Variants in ZNF385D observed in about 807,000 individuals in gnomAD.
ZNF385D encodes the protein zinc finger protein 659.
A neutral mutation model predicts 35.8 loss-of-function variants in ZNF385D; 15 were observed. The observed-to-expected ratio is 0.42, with a 90% CI of 0.28 to 0.64. ZNF385D has a LOEUF of 0.64. Ranked by LOEUF, ZNF385D falls within the 30% of genes least tolerant of loss-of-function variation. ZNF385D has a pLI of 0.23. For synonymous variants in ZNF385D, 212 were observed against 186.8 expected (o/e 1.13, Z -1.10); for missense variants, 474 against 494.6 (o/e 0.96, Z 0.39).
chr3:21,459,487 T>C (rs1430860788), intron 4 of ZNF385D: 1 of 152,084 alleles, frequency 6.6e-6, no homozygotes, highest in Non-Finnish European at 1.5e-5. Context: ...GAATGAAATA[T>C]TATACTACCA....
intron 2 of ZNF385D, among the ~76,000 whole-genome samples, chr3:22,185,224 G>T (rs1344087279): frequency 6.6e-6 from 1 of 152,004 alleles, no homozygotes; most frequent in Non-Finnish European, 1.5e-5. Flanking sequence ...CAATAATAAC[G>T]GGACAGAAAC....
chr3:21,880,357 G>A (rs927525442), intron 3 of ZNF385D, among the ~76,000 whole-genome samples: 9 of 151,932 alleles, frequency 5.9e-5, no homozygotes, highest in Non-Finnish European at 1.0e-4. Context: ...CTCACTTCGT[G>A]TTTCTGTCAC....
At position 22,148,694 on chromosome 3, in the gene ZNF385D, G is replaced by C. The variant is rs187362243; in HGVS notation, c.325+20123C>G. On this transcript the variant is annotated intron_variant, in intron 3 of 5. Coordinates refer to the ZNF385D transcript ENST00000494108. ...AGTAAGATCTACATGGTCGTAATTAGTATGGCTTATCAATTGGATCTGTCC... is the reference window on the plus strand; with the variant it reads ...AGTAAGATCTACATGGTCGTAATTACTATGGCTTATCAATTGGATCTGTCC... 2.2e-4 allele frequency among the ~76,000 whole-genome samples: 33 copies of C among 152,316 alleles called. No homozygotes were observed. In the East Asian group the frequency reaches 4.0e-3, roughly 19 times the overall value.
intron 4 of ZNF385D, among the ~76,000 whole-genome samples, chr3:21,492,485 C>T (rs1705503317): frequency 6.8e-6 from 1 of 147,810 alleles, no homozygotes; most frequent in Admixed American, 6.8e-5. Flanking sequence ...CTTCGTATTA[C>T]TAAAAAAAAA....
intron 3 of ZNF385D, among the ~76,000 whole-genome samples, chr3:21,809,565 C>T (rs1443884173): frequency 2.6e-5 from 4 of 151,148 alleles, no homozygotes; most frequent in South Asian, 4.2e-4. Flanking sequence ...ACCCCTACAA[C>T]AAACCCTATA....
intron 2 of ZNF385D, among the ~76,000 whole-genome samples, chr3:22,358,272 C>A (rs944276394): frequency 6.6e-6 from 1 of 151,860 alleles, no homozygotes; most frequent in South Asian, 2.1e-4. Flanking sequence ...TTCCAAAAGT[C>A]TGGCATCAAT....
intron 2 of ZNF385D, among the ~76,000 whole-genome samples, chr3:21,626,434 A>T (rs1009265712): frequency 1.3e-5 from 2 of 152,158 alleles, no homozygotes; most frequent in East Asian, 3.9e-4. Context: ...TGGCTTACTT[A>T]TGTAGAGGAT....
chr3:21,937,829 A>AT (rs1160264592), intron 3 of ZNF385D, among the ~76,000 whole-genome samples: 1 of 152,204 alleles, frequency 6.6e-6, no homozygotes, highest in African/African-American at 2.4e-5. Context: ...AATGTAGTTA[A>AT]TATAAGACAA....
intron 3 of ZNF385D, among the ~76,000 whole-genome samples, chr3:21,767,263 T>G (rs1389001202): frequency 1.3e-5 from 2 of 152,220 alleles, no homozygotes; most frequent in South Asian, 4.1e-4. Flanking sequence ...TGTGTAATCA[T>G]CCTACAAAAT....
intron 3 of ZNF385D, among the ~76,000 whole-genome samples, chr3:21,977,274 C>A (rs916665149): frequency 7.9e-5 from 12 of 152,066 alleles, no homozygotes; most frequent in Admixed American, 7.9e-4. Flanking sequence ...TTGAACTGTA[C>A]ACTTATGATT....
intron 2 of ZNF385D, among the ~76,000 whole-genome samples, chr3:22,282,427 G>A (rs1302255976): frequency 6.6e-6 from 1 of 152,042 alleles, no homozygotes; most frequent in Admixed American, 6.6e-5. Flanking sequence ...TTGATAGGTT[G>A]TGTCACTATT....
At chr3:21,452,544 C>A (rs913937813) in intron 4 of ZNF385D, among the ~76,000 whole-genome samples, 3 of 151,820 alleles carry the variant, frequency 2.0e-5, no homozygotes, top group Non-Finnish European at 4.4e-5. Flanking sequence ...CCACAAGAAC[C>A]CCCAAAACTA....
chr3:22,036,727 T>A (rs566407078), intron 3 of ZNF385D, among the ~76,000 whole-genome samples: 37 of 149,118 alleles, frequency 2.5e-4, no homozygotes, highest in Middle Eastern at 3.6e-3. Flanking sequence ...TTTTTTTTTT[T>A]ATACTCTAAG....
chr3:22,005,856 G>A (rs893996803), intron 3 of ZNF385D, among the ~76,000 whole-genome samples: 1 of 151,988 alleles, frequency 6.6e-6, no homozygotes, highest in Non-Finnish European at 1.5e-5. Context: ...ATGAGCTTTA[G>A]AGTACTTAAA....
upstream of ZNF385D, among the ~76,000 whole-genome samples, chr3:21,751,632 T>C (rs956338047): frequency 6.6e-6 from 1 of 152,090 alleles, no homozygotes; most frequent in Non-Finnish European, 1.5e-5. Context: ...TGTTATTTTT[T>C]GTGATGTTTA....
intron 3 of ZNF385D, among the ~76,000 whole-genome samples, chr3:22,044,925 G>A (rs1698891604): frequency 6.6e-6 from 1 of 152,090 alleles, no homozygotes; most frequent in Admixed American, 6.6e-5. Context: ...GAAGTATGGT[G>A]CAGAATACGG....
At chr3:21,805,616 A>G (rs2072606454) in intron 3 of ZNF385D, among the ~76,000 whole-genome samples, 1 of 152,182 alleles carries the variant, frequency 6.6e-6, no homozygotes, top group South Asian at 2.1e-4. Context: ...TCATTTGTGA[A>G]ATAAAAAAGC....
At chr3:21,867,376 A>T (rs982861335) in intron 3 of ZNF385D, among the ~76,000 whole-genome samples, 2 of 152,058 alleles carry the variant, frequency 1.3e-5, no homozygotes, top group African/African-American at 4.8e-5. Context: ...CAGAGGTGGG[A>T]CTCAGGCCTC....
intron 4 of ZNF385D, among the ~76,000 whole-genome samples, chr3:21,507,449 A>G (rs1235603682): frequency 6.6e-6 from 1 of 152,174 alleles, no homozygotes; most frequent in Non-Finnish European, 1.5e-5. Flanking sequence ...TCTATCTTTT[A>G]TATATGGACA....
Sources: gnomAD v4.1 joint callset for allele counts (sites outside exome capture counted in the v4.1 genomes callset) on GRCh38, gnomAD v4.1.1 for gene constraint, MANE v1.5 for transcripts, NCBI Gene and HGNC (gene_info 2026-07-23, HGNC 2026-07-21) for gene names.